The following PCDHGA9 variants were observed in gnomAD, a reference collection of about 807,000 sequenced individuals.
PCDHGA9 encodes protocadherin gamma subfamily A, 9.
PCDHGA9 carries 37 observed loss-of-function variants against 62.5 expected under a neutral mutation model. That is an observed-to-expected ratio of 0.59 (90% CI 0.46 to 0.78). PCDHGA9 has a LOEUF of 0.78. Among genes scored for constraint, PCDHGA9 ranks in the 30% least tolerant of loss-of-function variants. The probability of loss-of-function intolerance (pLI) is 0.00; values close to 1 mark genes in which losing one functional copy is unlikely to be tolerated. For missense variants in PCDHGA9, 1,138 were observed against 1,166.2 expected (o/e 0.98, Z 0.35); for synonymous variants, 459 against 484.6 (o/e 0.95, Z 0.69).
chr5:141,448,135 TA>T (rs2098567569), intron 1 of PCDHGA9, among the ~76,000 whole-genome samples: 1 of 151,880 alleles, frequency 6.6e-6, no homozygotes, highest in South Asian at 2.1e-4. Flanking sequence ...CCACCCTCAC[TA>T]TACCTCAGAC....
At chr5:141,408,301 C>A in intron 1 of PCDHGA9, 1 of 1,613,756 alleles carries the variant, frequency 6.2e-7, no homozygotes, top group Non-Finnish European at 8.5e-7. Flanking sequence ...GTGAGCCGAT[C>A]CGCTACTCGA....
intron 2 of PCDHGA9, among the ~76,000 whole-genome samples, chr5:141,497,602 C>T (rs948023459): frequency 2.0e-5 from 3 of 148,260 alleles, no homozygotes; most frequent in East Asian, 2.0e-4. Flanking sequence ...TGCAGTGGTG[C>T]GATCTTGGCT....
intron 1 of PCDHGA9, chr5:141,415,810 T>C: frequency 7.4e-7 from 1 of 1,360,418 alleles, no homozygotes; most frequent in Non-Finnish European, 9.5e-7. Context: ...AATCAAGGCC[T>C]ATATATCATA....
rs2099624335 is a variant in PCDHGA9 at position 141,486,093 on chromosome 5, C to T, written c.2425-8714C>T. On this transcript the variant is annotated intron_variant, in intron 1 of 3. Coordinates refer to ENST00000573521, the MANE Select transcript of PCDHGA9 (RefSeq NM_018921.3). This position sits in a 1 kb window ranked among gnomAD's most constrained non-coding sequence, Gnocchi z 5.0. ...ACTGGAAAGCTTACTCTTTTGGGGC[C>T]CCTAGACTTTGAGAGTGAGAATTAC... 1 of 1,614,112 alleles carries T rather than the reference C, an allele frequency of 6.2e-7. No homozygotes were observed. The highest frequency in any genetic ancestry group is 8.5e-7 in the Non-Finnish European group (1 of 1,180,008).
intron 1 of PCDHGA9, chr5:141,422,845 G>A: frequency 6.2e-7 from 1 of 1,614,230 alleles, no homozygotes; most frequent in Non-Finnish European, 8.5e-7. Context: ...TGACAGCGGG[G>A]ACCCGCCCCT....
At chr5:141,483,333 C>G (rs566443186) in intron 1 of PCDHGA9, among the ~76,000 whole-genome samples, 1 of 152,096 alleles carries the variant, frequency 6.6e-6, no homozygotes, top group East Asian at 1.9e-4. Context: ...GCAAAGAGAT[C>G]TTATCTCTTT....
Position 141,487,165 on chromosome 5 carries a change from C to T in PCDHGA9, c.2425-7642C>T, listed in dbSNP as rs1014219030. The T allele has an allele frequency of 1.9e-6, 3 of 1,612,932 alleles. No homozygotes were observed. The highest frequency in any genetic ancestry group is 2.5e-6 in the Non-Finnish European group (3 of 1,178,918). On this transcript the variant is annotated intron_variant, in intron 1 of 3. Coordinates refer to ENST00000573521, the MANE Select transcript of PCDHGA9 (RefSeq NM_018921.3). The surrounding 1 kb of genome is among the most constrained non-coding windows in gnomAD (Gnocchi z 5.0). ...CTACCTCTGTTACTCTCTTAGTGTC[C>T]TTAGAGGAAGACACTCATCCAGTTG...
At chr5:141,419,620 G>C in intron 1 of PCDHGA9, 1 of 1,612,304 alleles carries the variant, frequency 6.2e-7, no homozygotes, top group Non-Finnish European at 8.5e-7. Context: ...CAGGCTACCT[G>C]GTGACCAAGG....
chr5:141,468,677 T>A (rs545029270), intron 1 of PCDHGA9: 1 of 150,902 alleles, frequency 6.6e-6, no homozygotes, highest in African/African-American at 2.4e-5. Flanking sequence ...CCATCCTGGC[T>A]AACACGGTGA....
chr5:141,423,956 A>T, intron 1 of PCDHGA9: 4 of 1,182,724 alleles, frequency 3.4e-6, no homozygotes, highest in Non-Finnish European at 4.2e-6. Context: ...TTTTAGTATT[A>T]TTTTTCTATT....
In PCDHGA9 at chr5:141,422,867, T is replaced by C. The variant is rs116031289; in HGVS notation, c.2424+17491T>C. On this transcript the variant is annotated intron_variant, in intron 1 of 3. Coordinates refer to ENST00000573521, the MANE Select transcript of PCDHGA9 (RefSeq NM_018921.3). Reference sequence around the variant, plus strand: ...GGGGACCCGCCCCTCAGCAGCAACGTGTCGCTGAGCCTGTTCGTGCTGGAC... The same window carrying C: ...GGGGACCCGCCCCTCAGCAGCAACGCGTCGCTGAGCCTGTTCGTGCTGGAC... 1.5e-3 allele frequency: 2,464 copies of C among 1,614,218 alleles called. 37 individuals are homozygous for C. In the African/African-American group the frequency reaches 0.029, roughly 19 times the overall value.
Position 141,510,960 on chromosome 5 carries a change from G to C in PCDHGA9, c.2586G>C (p.Gly862=). The change falls in exon 4 of 4, where the codon GGG becomes GGC. Residue 862 remains glycine, a synonymous_variant. Transcript: ENST00000573521. ...CTGTCTCTGCAGAAGCTGCTGATGG[G>C]AGCTCCACCCTGGGAGGGGGTGCCG... The part of the protein sequence containing the change: ...ILASASEAAD[G]SSTLGGGAGT... 1 of 1,614,120 alleles carries C rather than the reference G, an allele frequency of 6.2e-7. No homozygotes were observed. Among genetic ancestry groups the C allele is most frequent in the Non-Finnish European group, 8.5e-7 (1 of 1,180,022 alleles).
At chr5:141,447,613 A>G (rs1169186870) in intron 1 of PCDHGA9, among the ~76,000 whole-genome samples, 1 of 152,186 alleles carries the variant, frequency 6.6e-6, no homozygotes, top group Admixed American at 6.5e-5. Context: ...TTAGCATTTT[A>G]AAGTTGAAAC....
intron 1 of PCDHGA9, chr5:141,420,099 C>G: frequency 2.5e-6 from 4 of 1,613,996 alleles, no homozygotes; most frequent in Non-Finnish European, 3.4e-6. Context: ...AGTGAGGGAA[C>G]GTTGCCCTAT....
Position 141,511,252 on chromosome 5 carries a change from G to C in PCDHGA9, c.*79G>C. 6.4e-7 allele frequency: 1 copy of C among 1,568,260 alleles called. No homozygotes were observed. The highest frequency in any genetic ancestry group is 8.6e-7 in the Non-Finnish European group (1 of 1,157,002). On this transcript the variant is annotated 3_prime_UTR_variant, in exon 4 of 4. Coordinates refer to ENST00000573521, the MANE Select transcript of PCDHGA9 (RefSeq NM_018921.3). ...TCTCCTTACCTGCACCCAGGCCTCA[G>C]AGTTTCAGGGCTAACCCCCAGAATA... is the stretch of plus-strand genomic sequence containing the variant.
At chr5:141,501,103 G>A (rs1449600108) in intron 2 of PCDHGA9, among the ~76,000 whole-genome samples, 9 of 152,078 alleles carry the variant, frequency 5.9e-5, no homozygotes, top group African/African-American at 1.4e-4. Context: ...TCTTGACCTC[G>A]TGATCCGCCT....
rs375516156 is a variant in PCDHGA9 at position 141,510,311 on chromosome 5, C to G, written c.2573-636C>G. Among the ~76,000 whole-genome samples, 70 of 151,056 alleles carry G rather than the reference C, an allele frequency of 4.6e-4. No homozygotes were observed. The South Asian group carries it at 0.014, about 31-fold the overall frequency. On this transcript the variant is annotated intron_variant, in intron 3 of 3. Transcript: ENST00000573521. The stretch of plus-strand genomic sequence containing the variant: ...AAAAAATGCTGTTTTGAAATGGAGG[C>G]TTGGAAGAGCACTCTTCACCCCCAC...
chr5:141,480,887 A>T (rs2099527301), intron 1 of PCDHGA9, among the ~76,000 whole-genome samples: 1 of 152,146 alleles, frequency 6.6e-6, no homozygotes. Flanking sequence ...TCTACTAAAA[A>T]TGCAAACATT....
chr5:141,476,711 G>C lies in PCDHGA9; in HGVS notation c.2425-18096G>C. 1 of 1,614,194 alleles carries C rather than the reference G, an allele frequency of 6.2e-7. No individual in the cohort carries two copies. The highest frequency in any genetic ancestry group is 8.5e-7 in the Non-Finnish European group (1 of 1,180,042). On this transcript the variant is annotated intron_variant, in intron 1 of 3. Coordinates refer to ENST00000573521, the MANE Select transcript of PCDHGA9 (RefSeq NM_018921.3). This position sits in a 1 kb window ranked among gnomAD's most constrained non-coding sequence, Gnocchi z 7.6. ...CACCAAGTACGCGGAGCTGGTGTTG[G>C]AGCGCGCCCTGGACCGAGAACGGGA...
Sources: gnomAD v4.1 joint callset for allele counts (sites outside exome capture counted in the v4.1 genomes callset) on GRCh38, gnomAD v4.1.1 for gene constraint, Gnocchi (gnomAD v3.1) non-coding constraint, MANE v1.5 for transcripts, NCBI Gene and HGNC (gene_info 2026-07-23, HGNC 2026-07-21) for gene names.